SPAG9: variants seen among roughly 807,000 people sequenced by gnomAD.
The protein encoded by SPAG9 is sperm associated antigen 9.
In SPAG9, 35 loss-of-function variants were observed where a neutral mutation model predicts 166.5. That is an observed-to-expected ratio of 0.21 (90% confidence interval 0.16 to 0.28). The LOEUF is 0.28. Among genes scored for constraint, SPAG9 ranks in the 10% least tolerant of loss-of-function variants. The pLI, the probability that SPAG9 is intolerant of heterozygous loss-of-function variation, is 1.00. For synonymous variants in SPAG9, 534 were observed against 565.5 expected (o/e 0.94, Z 0.79); for missense variants, 1,235 against 1,603.3 (o/e 0.77, Z 3.92).
At chr17:51,118,439 G>A (rs1301984412) in intron 1 of SPAG9, among the ~76,000 whole-genome samples, 6 of 152,172 alleles carry the variant, frequency 3.9e-5, no homozygotes, top group Admixed American at 6.6e-5. Flanking sequence ...TTCTTGGCAC[G>A]TGTGACCCTG....
chr17:51,009,047 A>G (rs2045346565), intron 9 of SPAG9: 2 of 383,292 alleles, frequency 5.2e-6, no homozygotes, highest in Admixed American at 3.6e-5. Context: ...GAAAAAAATG[A>G]TGAGAAAGCA....
At chr17:51,119,722 T>A (rs887875123) in intron 1 of SPAG9, among the ~76,000 whole-genome samples, 1 of 152,184 alleles carries the variant, frequency 6.6e-6, no homozygotes, top group Non-Finnish European at 1.5e-5. Flanking sequence ...TACGGAGGAA[T>A]GCTTTGGTTT....
At chr17:51,087,736 C>A (rs981198099) in intron 1 of SPAG9, among the ~76,000 whole-genome samples, 1 of 151,896 alleles carries the variant, frequency 6.6e-6, no homozygotes, top group African/African-American at 2.4e-5. Context: ...TTTTAATTTT[C>A]ATTTACTTAT....
At chr17:51,086,110 A>G (rs1172060504) in intron 1 of SPAG9, among the ~76,000 whole-genome samples, 1 of 151,824 alleles carries the variant, frequency 6.6e-6, no homozygotes, top group African/African-American at 2.4e-5. Context: ...CTGAATCACC[A>G]TAGCTGAATC....
At chr17:50,995,417 T>C in intron 17 of SPAG9, 27 bp downstream of exon 17, 1 of 1,544,670 alleles carries the variant, frequency 6.5e-7, no homozygotes, top group East Asian at 2.2e-5. Context: ...TTAGAAAACA[T>C]CTCCTTTTAA....
intron 4 of SPAG9, chr17:51,042,489 AGT>A (rs1480664319): frequency 6.6e-6 from 1 of 152,244 alleles, no homozygotes; most frequent in Non-Finnish European, 1.5e-5. Flanking sequence ...TTAACTCAAA[AGT>A]GTAGAAACTA....
In SPAG9 at chr17:51,021,450, C is replaced by T. The variant is rs544512794; in HGVS notation, c.784-85G>A. ...TAAATGGGTTGAGAAATAAATCTAC[C>T]AAAGAAAGTTCTATTTTTTTTTCCA... On this transcript the variant is annotated intron_variant, in intron 6 of 29. Coordinates refer to ENST00000262013, the MANE Select transcript of SPAG9 (RefSeq NM_001130528.3). 5.6e-4 allele frequency: 632 copies of T among 1,125,718 alleles called. 12 individuals carry two copies. The South Asian group carries it at 9.8e-3, about 17-fold the overall frequency. 69.7% of individuals were successfully genotyped at this position (1,125,718 alleles called of 1,614,324 possible).
At chr17:51,021,068 G>T in intron 7 of SPAG9, 90 bp downstream of exon 7, 1 of 1,071,860 alleles carries the variant, frequency 9.3e-7, no homozygotes, top group Non-Finnish European at 1.4e-6. Flanking sequence ...TACAAAGCAG[G>T]CAACACCCAC....
chr17:51,011,581 C>T (rs909863556), intron 9 of SPAG9, among the ~76,000 whole-genome samples: 1 of 152,084 alleles, frequency 6.6e-6, no homozygotes, highest in African/African-American at 2.4e-5. Flanking sequence ...TGGGGTTTCA[C>T]CATGTTGGCC....
chr17:50,991,598 A>G (rs111680222), intron 19 of SPAG9, among the ~76,000 whole-genome samples: 6 of 151,968 alleles, frequency 3.9e-5, no homozygotes, highest in Non-Finnish European at 7.4e-5. Flanking sequence ...TGGCATTAAT[A>G]TTTATAACAT....
At chr17:51,084,417 C>T (rs1238123289) in intron 1 of SPAG9, among the ~76,000 whole-genome samples, 5 of 151,902 alleles carry the variant, frequency 3.3e-5, no homozygotes, top group Non-Finnish European at 7.4e-5. Flanking sequence ...GAGATGGAGT[C>T]TTGCTCTGTC....
At chr17:51,060,879 A>C (rs2047494107) in intron 2 of SPAG9, among the ~76,000 whole-genome samples, 1 of 142,430 alleles carries the variant, frequency 7.0e-6, no homozygotes, top group South Asian at 2.2e-4. Flanking sequence ...ACAGAGTCTC[A>C]CTCTGTCCCC....
At chr17:51,056,732 T>G (rs2047371809) in intron 2 of SPAG9, among the ~76,000 whole-genome samples, 1 of 152,186 alleles carries the variant, frequency 6.6e-6, no homozygotes, top group Non-Finnish European at 1.5e-5. Context: ...TAAACAGTTT[T>G]TTTTTTAACA....
intron 8 of SPAG9, among the ~76,000 whole-genome samples, chr17:51,017,773 G>C (rs954696628): frequency 1.3e-5 from 2 of 152,088 alleles, no homozygotes; most frequent in African/African-American, 2.4e-5. Context: ...ATCATATATT[G>C]ATTCATTTAA....
At chr17:51,041,127 C>G (rs1278453525) in intron 5 of SPAG9, among the ~76,000 whole-genome samples, 1 of 152,054 alleles carries the variant, frequency 6.6e-6, no homozygotes, top group Non-Finnish European at 1.5e-5. Flanking sequence ...AAGTGAAACC[C>G]TACTAAATTG....
chr17:51,018,268 G>C (rs1208575639), intron 8 of SPAG9, among the ~76,000 whole-genome samples: 1 of 148,672 alleles, frequency 6.7e-6, no homozygotes, highest in African/African-American at 2.6e-5. Context: ...GCTTGAACCC[G>C]GGGGAGGGGG....
intron 5 of SPAG9, among the ~76,000 whole-genome samples, chr17:51,041,030 T>C (rs746003574): frequency 2.0e-5 from 3 of 152,234 alleles, no homozygotes. Flanking sequence ...CACGCCTTTT[T>C]AGCTAAACAT....
rs752663833 is a variant in SPAG9, at chr17:50,970,797, C to T, written c.3760G>A (p.Gly1254Arg). Residue 1254 changes from glycine (G) to arginine (R), a missense_variant, in exon 29 of 30, where the codon GGG becomes AGG. Coordinates refer to ENST00000262013, the MANE Select transcript of SPAG9 (RefSeq NM_001130528.3). Reference protein sequence around the residue: ...SGTDLTGDKAGPSAQEPGSQT... With the variant: ...SGTDLTGDKARPSAQEPGSQT... ...CTACCAGGCTCCTGTGCAGATGGCC[C>T]TGCTTTGTCACCCGTCAGATCCGTG... The T allele has an allele frequency of 1.2e-6, 2 of 1,614,124 alleles. No individual in the cohort carries two copies. The highest frequency in any genetic ancestry group is 4.5e-5 in the East Asian group (2 of 44,880).
At chr17:51,084,607 C>A (rs2144660452) in intron 1 of SPAG9, among the ~76,000 whole-genome samples, 1 of 152,252 alleles carries the variant, frequency 6.6e-6, no homozygotes, top group South Asian at 2.1e-4. Context: ...CGGGGTTTCA[C>A]CATGTTGGCC....
Sources: gnomAD v4.1 joint callset for allele counts (sites outside exome capture counted in the v4.1 genomes callset) on GRCh38, gnomAD v4.1.1 for gene constraint, MANE v1.5 for transcripts, NCBI Gene and HGNC (gene_info 2026-07-23, HGNC 2026-07-21) for gene names.